The following PDLIM3 variants were observed in gnomAD, a reference collection of about 807,000 sequenced individuals.
PDLIM3 encodes PDZ and LIM domain 3, also known as PDZ and LIM domain protein 3.
A neutral mutation model predicts 37.3 loss-of-function variants in PDLIM3; 36 were observed. The ratio of observed to expected loss-of-function variants is 0.97; its 90% CI spans 0.74 to 1.28. PDLIM3 has a LOEUF of 1.28. PDLIM3 is among the 50% of genes most tolerant of loss of function. The probability of loss-of-function intolerance (pLI) is 0.00; values close to 1 mark genes in which losing one functional copy is unlikely to be tolerated. For missense variants in PDLIM3, 454 were observed against 485.0 expected (o/e 0.94, Z 0.60); for synonymous variants, 174 against 182.4 (o/e 0.95, Z 0.37).
rs149169439 is a variant in PDLIM3 at position 185,507,256 on chromosome 4, A to G, written c.663-604T>C. Among the ~76,000 whole-genome samples, 461 of 152,332 alleles carry G rather than the reference A, an allele frequency of 3.0e-3. 1 individual carries two copies. The highest frequency in any genetic ancestry group is 0.011 in the African/African-American group (444 of 41,578). On this transcript the variant is annotated intron_variant, in intron 5 of 7. Coordinates refer to ENST00000284767, the MANE Select transcript of PDLIM3 (RefSeq NM_014476.6). Reference sequence around the variant, plus strand: ...GTAATGTAGAAACTTACATTTTTATATCTGCTATAACTGACTGCACTGTCT... The same window carrying G: ...GTAATGTAGAAACTTACATTTTTATGTCTGCTATAACTGACTGCACTGTCT...
chr4:185,505,563 G>A (rs113773531), intron 6 of PDLIM3, among the ~76,000 whole-genome samples: 4,863 of 151,826 alleles, frequency 0.032, 258 homozygotes, highest in African/African-American at 0.11. Flanking sequence ...AGAGGTTGCA[G>A]TGAGCCAAGA....
intron 1 of PDLIM3, among the ~76,000 whole-genome samples, chr4:185,533,646 G>T (rs1203483395): frequency 1.3e-5 from 2 of 152,122 alleles, no homozygotes; most frequent in Non-Finnish European, 2.9e-5. Context: ...GATAGAATTG[G>T]TTTCCCTAAT....
In PDLIM3 at chr4:185,512,690, G is replaced by T. The variant is rs2095708478; in HGVS notation, c.398+1580C>A. On this transcript the variant is annotated intron_variant, in intron 4 of 7. Coordinates refer to ENST00000284767, the MANE Select transcript of PDLIM3 (RefSeq NM_014476.6). ...TTTATTCAAGCCTTCTGAAGCCCCAGAGCTTGTGTGGGTGGACTCAGTCAC... is the reference window on the plus strand; with the variant it reads ...TTTATTCAAGCCTTCTGAAGCCCCATAGCTTGTGTGGGTGGACTCAGTCAC... 4.1e-6 allele frequency: 4 copies of T among 985,320 alleles called. No homozygotes were observed. The South Asian group carries it at 1.9e-4, about 46-fold the overall frequency. 61.0% of individuals were successfully genotyped at this position (985,320 alleles called of 1,614,324 possible). A position where few individuals can be genotyped will look rare whatever the true frequency, so the allele number is the denominator to read the frequency against.
rs142140393 is a variant in PDLIM3, at chr4:185,529,323, GA to G, written c.94-4153del. On this transcript the variant is annotated intron_variant, in intron 1 of 7. Coordinates refer to ENST00000284767, the MANE Select transcript of PDLIM3 (RefSeq NM_014476.6). ...ACTTATATTACTTGGATCTGTTGGG[GA>G]AAAAAAAGCTAACTGAAAACACAGA... Among the ~76,000 whole-genome samples, 396 of 151,914 alleles carry G rather than the reference GA, an allele frequency of 2.6e-3. 3 individuals are homozygous for G. The highest frequency in any genetic ancestry group is 4.3e-3 in the Non-Finnish European group (292 of 67,934).
chr4:185,531,087 G>A (rs1342533198), intron 1 of PDLIM3, among the ~76,000 whole-genome samples: 1 of 152,232 alleles, frequency 6.6e-6, no homozygotes, highest in African/African-American at 2.4e-5. Context: ...TGTGTCCCCT[G>A]TGGATGAGAG....
chr4:185,506,514 C>T lies in PDLIM3; in HGVS notation c.793+8G>A, dbSNP rs1289568182. 1.2e-6 allele frequency: 2 copies of T among 1,613,660 alleles called. No homozygotes were observed. Among genetic ancestry groups the T allele is most frequent in the Non-Finnish European group, 1.7e-6 (2 of 1,180,010 alleles). ...AATACGTTTCAGCAGGTGTCAGCGGCTGCTCACCAGAGCCATCGTCCACCA... is the reference window on the plus strand; with the variant it reads ...AATACGTTTCAGCAGGTGTCAGCGGTTGCTCACCAGAGCCATCGTCCACCA... On this transcript the variant is annotated splice_region_variant and intron_variant, in intron 6 of 7. Transcript: ENST00000284767.
chr4:185,519,260 C>T (rs898900263), intron 3 of PDLIM3, among the ~76,000 whole-genome samples: 1 of 152,134 alleles, frequency 6.6e-6, no homozygotes, highest in Admixed American at 6.5e-5. Context: ...CAAAACTTAG[C>T]TATTTGATGA....
At chr4:185,506,776 AT>A in intron 5 of PDLIM3, 124 bp from the exon 6 acceptor site, 1 of 815,774 alleles carries the variant, frequency 1.2e-6, no homozygotes, top group East Asian at 2.6e-5. Flanking sequence ...GAGGTCTAGT[AT>A]TTTCAAGTGA....
At chr4:185,511,850 A>G (rs537505135) in intron 4 of PDLIM3, among the ~76,000 whole-genome samples, 1 of 152,196 alleles carries the variant, frequency 6.6e-6, no homozygotes, top group East Asian at 1.9e-4. Context: ...TGATCATTAC[A>G]TATTGTATGC....
At position 185,501,664 on chromosome 4, in the gene PDLIM3, T is replaced by G. The variant is rs375193739; in HGVS notation, c.*630A>C. The G allele has an allele frequency of 3.5e-4, 53 of 153,162 alleles. No homozygotes were observed. The highest frequency in any genetic ancestry group is 1.1e-3 in the African/African-American group (47 of 41,592). 9.5% of individuals were successfully genotyped at this position (153,162 alleles called of 1,614,324 possible). Reference sequence around the variant, plus strand: ...GAAGCCACATTTATCTTAAAATATTTGTTAGTGTACATGTTAAAATATGAT... The same window carrying G: ...GAAGCCACATTTATCTTAAAATATTGGTTAGTGTACATGTTAAAATATGAT... On this transcript the variant is annotated 3_prime_UTR_variant, in exon 8 of 8. Transcript: ENST00000284767.
Position 185,508,563 on chromosome 4 carries a change from C to A in PDLIM3, c.399-1G>T. ...AATCCCGGAGGGAGTGCTGCATCCA[C>A]TGTGTTAATGGATACACGTTACACA... On this transcript the variant is annotated splice_acceptor_variant, in intron 4 of 7. Transcript: ENST00000284767. LOFTEE classifies it high-confidence loss of function. The A allele has an allele frequency of 6.2e-7, 1 of 1,613,790 alleles. No individual in the cohort carries two copies. The highest frequency in any genetic ancestry group is 8.5e-7 in the Non-Finnish European group (1 of 1,179,798).
intron 1 of PDLIM3, among the ~76,000 whole-genome samples, chr4:185,525,674 A>G (rs916602885): frequency 9.9e-5 from 15 of 152,276 alleles, no homozygotes; most frequent in Non-Finnish European, 4.4e-5. Flanking sequence ...CCACAATGTG[A>G]TGGTATTTGG....
At chr4:185,523,524 GT>G (rs1443814288) in intron 2 of PDLIM3, 78 bp from the exon 3 acceptor site, 13 of 915,246 alleles carry the variant, frequency 1.4e-5, no homozygotes, top group Non-Finnish European at 2.2e-5. Flanking sequence ...TTCCCATTAT[GT>G]TTGTGAAAAT....
chr4:185,535,472 C>T lies in PDLIM3; in HGVS notation c.-38G>A, dbSNP rs768632233. 1 of 1,524,850 alleles carries T rather than the reference C, an allele frequency of 6.6e-7. No individual in the cohort carries two copies. Among genetic ancestry groups the T allele is most frequent in the South Asian group, 1.2e-5 (1 of 82,716 alleles). The allele number at this position is 1,524,850 out of a possible 1,614,324, so 94.5% of individuals were successfully genotyped here. On this transcript the variant is annotated 5_prime_UTR_variant, in exon 1 of 8. Coordinates refer to ENST00000284767, the MANE Select transcript of PDLIM3 (RefSeq NM_014476.6). Reference sequence around the variant, plus strand: ...CCGCCCACCGGGCTCTAAGTGTCCCCGCGCAGGGCAGCCACTCCGCGCCGG... The same window carrying T: ...CCGCCCACCGGGCTCTAAGTGTCCCTGCGCAGGGCAGCCACTCCGCGCCGG...
chr4:185,523,310 C>A, intron 3 of PDLIM3, 52 bp downstream of exon 3: 2 of 1,271,888 alleles, frequency 1.6e-6, no homozygotes, highest in South Asian at 2.4e-5. Flanking sequence ...GGAAGGCATC[C>A]CCATGATTTA....
intron 6 of PDLIM3, among the ~76,000 whole-genome samples, chr4:185,505,644 G>T (rs867012614): frequency 7.3e-5 from 11 of 149,804 alleles, no homozygotes; most frequent in African/African-American, 2.4e-4. Context: ...AAAAAATAAA[G>T]AATCTGTTTG....
In PDLIM3 at chr4:185,523,420, TGTG is replaced by T; in HGVS notation, c.269_271del (p.Pro90del). 1 of 1,610,800 alleles carries T rather than the reference TGTG, an allele frequency of 6.2e-7. No individual in the cohort carries two copies. Among genetic ancestry groups the T allele is most frequent in the Non-Finnish European group, 8.5e-7 (1 of 1,177,104 alleles). On this transcript the variant is annotated inframe_deletion, in exon 3 of 8. Transcript: ENST00000284767. ...ATGGGCTTTCCCATCTTCAGATACT[TGTG>T]GAGACCATAAGTGAGTTTCTCCCCT...
At chr4:185,523,305 G>A in intron 3 of PDLIM3, 57 bp downstream of exon 3, 1 of 1,198,210 alleles carries the variant, frequency 8.3e-7, no homozygotes, top group South Asian at 1.2e-5. Context: ...CCCTTGGAAG[G>A]CATCCCCATG....
chr4:185,519,562 C>T (rs1452184060), intron 3 of PDLIM3, among the ~76,000 whole-genome samples: 3 of 152,192 alleles, frequency 2.0e-5, no homozygotes, highest in African/African-American at 7.2e-5. Context: ...GCTGGGACTA[C>T]AGGCGTGAGC....
Sources: allele counts gnomAD v4.1 joint callset (sites outside exome capture counted in the v4.1 genomes callset), GRCh38; gene constraint gnomAD v4.1.1; transcripts MANE v1.5; gene names NCBI Gene and HGNC (gene_info 2026-07-23, HGNC 2026-07-21).